Variants in PTPRQ observed in about 807,000 individuals in gnomAD.
PTPRQ encodes the protein phosphatidylinositol phosphatase PTPRQ.
A neutral mutation model predicts 246.0 loss-of-function variants in PTPRQ; 199 were observed. The observed-to-expected ratio is 0.81, with a 90% CI of 0.72 to 0.91. The LOEUF is 0.91. Ranked by LOEUF, PTPRQ falls within the 40% of genes least tolerant of loss-of-function variation. The pLI is 0.00. For synonymous variants in PTPRQ, 869 were observed against 853.2 expected, an observed-to-expected ratio of 1.02 and a Z score of -0.32; for missense variants, 2,624 against 2,528.4, an observed-to-expected ratio of 1.04 and a Z score of -0.81.
At chr12:80,566,392 T>A (rs544312574) in intron 25 of PTPRQ, among the ~76,000 whole-genome samples, 35 of 151,882 alleles carry the variant, frequency 2.3e-4, no homozygotes, top group African/African-American at 8.4e-4. Context: ...GCAGGAGAAT[T>A]GCTTGAACCC....
chr12:80,588,269 G>A lies in PTPRQ; in HGVS notation c.4426G>A (p.Glu1476Lys). 6.4e-7 allele frequency: 1 copy of A among 1,551,494 alleles called. No individual in the cohort carries two copies. The highest frequency in any genetic ancestry group is 1.7e-4 in the Middle Eastern group (1 of 5,992). ...TCAACTTCGTGCTCAAAAATGCAAAGAATGGGAATCCGAAGAATGTGTTGA... is the reference window on the plus strand; with the variant it reads ...TCAACTTCGTGCTCAAAAATGCAAAAAATGGGAATCCGAAGAATGTGTTGA... ...TTQLRAQKCK[E>K]WESEECVEYQ... is the part of the protein sequence containing the mutation. The change falls in exon 26 of 45, where the codon GAA becomes AAA. Residue 1476 changes from glutamate (E) to lysine (K), a missense_variant. By Grantham distance (56) the Glu-to-Lys change is moderately conservative. Coordinates refer to ENST00000644991, the MANE Select transcript of PTPRQ (RefSeq NM_001145026.2).
chr12:80,605,220 T>G, intron 27 of PTPRQ, 40 bp downstream of exon 27: 1 of 1,527,144 alleles, frequency 6.5e-7, no homozygotes, highest in Non-Finnish European at 8.8e-7. Context: ...CAGTATAAAA[T>G]GGTTAATAAT....
chr12:80,444,456 A>C (rs1592506463), intron 1 of PTPRQ, 57 bp downstream of exon 1: 425 of 1,004,228 alleles, frequency 4.2e-4, no homozygotes, highest in Non-Finnish European at 6.0e-4. Flanking sequence ...TAGATTTCTC[A>C]AGACTTGAAT....
At chr12:80,570,852 C>A (rs1897125746) in intron 25 of PTPRQ, among the ~76,000 whole-genome samples, 1 of 152,150 alleles carries the variant, frequency 6.6e-6, no homozygotes, top group Non-Finnish European at 1.5e-5. Flanking sequence ...ATCATTTCCC[C>A]ATTGCTTGTT....
intron 6 of PTPRQ, among the ~76,000 whole-genome samples, chr12:80,467,594 C>G (rs1333773860): frequency 6.6e-6 from 1 of 152,134 alleles, no homozygotes; most frequent in African/African-American, 2.4e-5. Context: ...ATAGCAAAGA[C>G]TTGCAACCAA....
Position 80,460,773 on chromosome 12 carries a change from G to T in PTPRQ, c.781G>T (p.Val261Leu), listed in dbSNP as rs891401280. The T allele has an allele frequency of 2.5e-6, 1 of 400,518 alleles. No individual in the cohort carries two copies. The highest frequency in any genetic ancestry group is 2.1e-5 in the African/African-American group (1 of 48,680). The allele number at this position is 400,518 out of a possible 1,614,324, so 24.8% of individuals were successfully genotyped here. The change falls in exon 6 of 45, where the codon GTG (valine) becomes TTG (leucine). Residue 261 changes from valine to leucine, a missense_variant. Physicochemically the swap from Val to Leu is conservative, Grantham distance 32. Coordinates refer to ENST00000644991, the MANE Select transcript of PTPRQ (RefSeq NM_001145026.2). ...GTTGACACAGAATGAGATCAGCTCT[G>T]TGTGGAAAGAGCCTATCAGTTTTGT... The part of the protein sequence containing the change: ...STLTQNEISS[V>L]WKEPISFVVT...
At chr12:80,458,351 C>A (rs1002049289) in intron 4 of PTPRQ, among the ~76,000 whole-genome samples, 2 of 152,064 alleles carry the variant, frequency 1.3e-5, no homozygotes, top group African/African-American at 4.8e-5. Flanking sequence ...TATTAGAATG[C>A]AGCTGTCCTG....
chr12:80,485,799 G>C (rs1187734014), intron 9 of PTPRQ, among the ~76,000 whole-genome samples: 1 of 152,088 alleles, frequency 6.6e-6, no homozygotes, highest in Non-Finnish European at 1.5e-5. Context: ...CTAGATGACA[G>C]GTTTCCCACT....
chr12:80,559,830 T>G (rs1035762751), intron 25 of PTPRQ, among the ~76,000 whole-genome samples: 2 of 152,158 alleles, frequency 1.3e-5, no homozygotes, highest in Admixed American at 6.5e-5. Flanking sequence ...TTCCCTCCCC[T>G]CCCCTCTCCT....
chr12:80,473,930 G>C (rs1038387846), intron 8 of PTPRQ, among the ~76,000 whole-genome samples: 1 of 152,216 alleles, frequency 6.6e-6, no homozygotes, highest in Non-Finnish European at 1.5e-5. Flanking sequence ...GTGGGTCTTA[G>C]AGGGGCCTCC....
At chr12:80,477,951 T>C (rs957383192) in intron 8 of PTPRQ, among the ~76,000 whole-genome samples, 1 of 152,068 alleles carries the variant, frequency 6.6e-6, no homozygotes, top group Non-Finnish European at 1.5e-5. Flanking sequence ...CGAAGCTGGG[T>C]GAGGGGCGCC....
chr12:80,636,384 G>T (rs1487857291), intron 35 of PTPRQ, among the ~76,000 whole-genome samples: 1 of 152,186 alleles, frequency 6.6e-6, no homozygotes, highest in Non-Finnish European at 1.5e-5. Flanking sequence ...AGGAACACAA[G>T]CACTGCTACT....
intron 33 of PTPRQ, among the ~76,000 whole-genome samples, chr12:80,623,148 C>G (rs74966694): frequency 0.016 from 2,401 of 152,158 alleles, 66 homozygotes; most frequent in African/African-American, 0.054. Context: ...TGCTAATAGA[C>G]TTCAGTGAGA....
intron 26 of PTPRQ, chr12:80,593,761 T>C (rs926839804): frequency 2.6e-5 from 4 of 152,098 alleles, no homozygotes; most frequent in Admixed American, 1.3e-4. Flanking sequence ...TGTGTATATA[T>C]GTGGTGGTGA....
At chr12:80,500,005 T>G (rs1894748147) in intron 14 of PTPRQ, among the ~76,000 whole-genome samples, 1 of 152,012 alleles carries the variant, frequency 6.6e-6, no homozygotes, top group South Asian at 2.1e-4. Context: ...CTTGTCTGAT[T>G]TGGGGCAACA....
chr12:80,623,143 A>G (rs1024220988), intron 33 of PTPRQ, among the ~76,000 whole-genome samples: 1 of 152,082 alleles, frequency 6.6e-6, no homozygotes, highest in African/African-American at 2.4e-5. Context: ...TGAACTGCTA[A>G]TAGACTTCAG....
intron 25 of PTPRQ, among the ~76,000 whole-genome samples, chr12:80,577,979 A>T (rs1428635732): frequency 6.6e-6 from 1 of 152,216 alleles, no homozygotes; most frequent in Non-Finnish European, 1.5e-5. Flanking sequence ...CTGAAGACAT[A>T]GTTTTAATAA....
chr12:80,508,186 A>G (rs1469789772), intron 16 of PTPRQ, among the ~76,000 whole-genome samples: 3 of 152,034 alleles, frequency 2.0e-5, no homozygotes, highest in Non-Finnish European at 2.9e-5. Context: ...GGAACAGGGT[A>G]AAGAACAAGA....
intron 17 of PTPRQ, among the ~76,000 whole-genome samples, chr12:80,531,128 A>G (rs1359212550): frequency 2.0e-5 from 3 of 152,082 alleles, no homozygotes; most frequent in East Asian, 3.8e-4. Context: ...AAGGATAACT[A>G]TGGCATCATT....
Sources: gnomAD v4.1 joint callset for allele counts (sites outside exome capture counted in the v4.1 genomes callset) on GRCh38, gnomAD v4.1.1 for gene constraint, MANE v1.5 for transcripts, NCBI Gene and HGNC (gene_info 2026-07-23, HGNC 2026-07-21) for gene names.